Variants in WWTR1 observed in about 807,000 individuals in gnomAD.
The protein encoded by WWTR1 is WW domain-containing transcription regulator protein 1.
In WWTR1, 13 loss-of-function variants were observed where a neutral mutation model predicts 40.1. The observed-to-expected ratio is 0.32, with a 90% CI of 0.21 to 0.52. The LOEUF (loss-of-function observed/expected upper bound fraction) is 0.52. Among genes scored for constraint, WWTR1 ranks in the 20% least tolerant of loss-of-function variants. The probability of loss-of-function intolerance (pLI) is 0.97; values close to 1 mark genes in which losing one functional copy is unlikely to be tolerated. For synonymous variants in WWTR1, 230 were observed against 210.1 expected (o/e 1.09, Z -0.82); for missense variants, 436 against 523.1 (o/e 0.83, Z 1.63).
At chr3:149,579,647 T>TA (rs1431904046) in intron 2 of WWTR1, among the ~76,000 whole-genome samples, 1 of 151,988 alleles carries the variant, frequency 6.6e-6, no homozygotes, top group South Asian at 2.1e-4. Flanking sequence ...CCCTAGCTCT[T>TA]AAAAAACAAA....
chr3:149,624,600 T>C (rs1039417066), intron 2 of WWTR1, among the ~76,000 whole-genome samples: 1 of 152,214 alleles, frequency 6.6e-6, no homozygotes, highest in Non-Finnish European at 1.5e-5. Flanking sequence ...CTATATAAGA[T>C]CAAGTTTGCT....
chr3:149,583,454 T>C (rs770022271), intron 2 of WWTR1, among the ~76,000 whole-genome samples: 1 of 152,174 alleles, frequency 6.6e-6, no homozygotes, highest in Non-Finnish European at 1.5e-5. Flanking sequence ...TCCTCCTGCC[T>C]CAGCCTCCCG....
At chr3:149,589,326 G>A (rs953948372) in intron 2 of WWTR1, among the ~76,000 whole-genome samples, 3 of 152,182 alleles carry the variant, frequency 2.0e-5, no homozygotes, top group African/African-American at 7.2e-5. Flanking sequence ...AACTGTGTTT[G>A]TTTTCTTCTT....
intron 2 of WWTR1, among the ~76,000 whole-genome samples, chr3:149,643,603 A>G (rs1438061173): frequency 2.6e-5 from 4 of 152,148 alleles, no homozygotes; most frequent in African/African-American, 9.7e-5. Context: ...TTATATGGAA[A>G]CTTGTGGGAC....
chr3:149,601,563 G>A (rs1739242298), intron 2 of WWTR1, among the ~76,000 whole-genome samples: 1 of 152,100 alleles, frequency 6.6e-6, no homozygotes, highest in Non-Finnish European at 1.5e-5. Context: ...TCCTTTTCTT[G>A]AAACTACAAG....
chr3:149,655,602 A>G, intron 2 of WWTR1, among the ~76,000 whole-genome samples: 1 of 152,256 alleles, frequency 6.6e-6, no homozygotes, highest in Admixed American at 6.5e-5. Context: ...ATGACCATCA[A>G]GTCTGTTTCA....
intron 2 of WWTR1, among the ~76,000 whole-genome samples, chr3:149,624,527 A>G (rs1740457376): frequency 6.6e-6 from 1 of 152,180 alleles, no homozygotes. Context: ...CAAACAGCCC[A>G]GTCTCTGTTC....
At chr3:149,724,415 T>C (rs2108240649) in intron 3 of WWTR1, among the ~76,000 whole-genome samples, 1 of 152,016 alleles carries the variant, frequency 6.6e-6, no homozygotes, top group African/African-American at 2.4e-5. Flanking sequence ...TCCCCCCTAA[T>C]ATTTGACTAA....
At chr3:149,716,716 A>C (rs1307267852) in intron 5 of WWTR1, among the ~76,000 whole-genome samples, 2 of 152,154 alleles carry the variant, frequency 1.3e-5, no homozygotes, top group African/African-American at 4.8e-5. Context: ...AGATTTCTTA[A>C]TACTCATATT....
Position 149,542,636 on chromosome 3 carries a change from T to C in WWTR1, c.569-99A>G. 2.4e-6 allele frequency: 3 copies of C among 1,234,436 alleles called. No individual in the cohort carries two copies. The Admixed American group carries it at 8.6e-5, about 35-fold the overall frequency. 76.5% of individuals were successfully genotyped at this position (1,234,436 alleles called of 1,614,324 possible). ...TTTTCTGCTTTGGAGTATAGATTCC[T>C]GAGATTCCTTCCAAAGTACTTTCCT... On this transcript the variant is annotated intron_variant, in intron 3 of 6. Transcript: ENST00000360632.
chr3:149,655,865 A>G (rs894572562), intron 2 of WWTR1, among the ~76,000 whole-genome samples: 4 of 152,216 alleles, frequency 2.6e-5, no homozygotes, highest in African/African-American at 7.2e-5. Flanking sequence ...CTTTTGCACT[A>G]AGGCTACTCT....
chr3:149,559,293 C>CAAAAAAAAAAAAAAA (rs57470539), intron 3 of WWTR1, among the ~76,000 whole-genome samples: 1 of 58,106 alleles, frequency 1.7e-5, no homozygotes, highest in African/African-American at 6.6e-5. Context: ...GACTCCATCT[C>CAAAAAAAAAAAAAAA]AAAAAAAAAA....
chr3:149,601,365 T>G (rs1280863759), intron 2 of WWTR1, among the ~76,000 whole-genome samples: 2 of 152,104 alleles, frequency 1.3e-5, no homozygotes, highest in African/African-American at 4.8e-5. Context: ...ACCTGGCTAA[T>G]TATTGTATTT....
intron 1 of WWTR1, among the ~76,000 whole-genome samples, chr3:149,676,907 G>T (rs1490849942): frequency 6.6e-6 from 1 of 150,690 alleles, no homozygotes; most frequent in Non-Finnish European, 1.5e-5. Flanking sequence ...CAGTCAACTA[G>T]ATAACCTTGA....
chr3:149,527,895 G>A lies in WWTR1; in HGVS notation c.846C>T (p.Pro282=). 1 of 1,614,142 alleles carries A rather than the reference G, an allele frequency of 6.2e-7. No homozygotes were observed. Among genetic ancestry groups the A allele is most frequent in the Non-Finnish European group, 8.5e-7 (1 of 1,180,034 alleles). Residue 282 remains proline (P), a synonymous_variant, in exon 5 of 7, where the codon CCC becomes CCT. Transcript: ENST00000360632. ...LAPVQAAVNP[P]TMTPDMRSIT... is the part of the protein sequence containing the mutation. ...TGGATCTCATGTCTGGGGTCATCGT[G>A]GGTGGGTTGACAGCAGCCTGAACTG...
At position 149,672,131 on chromosome 3, in the gene WWTR1, CA is replaced by C. The variant is rs1242206918; in HGVS notation, c.-107-2241del. ...ACATCTTTAAAAGGCTACAAAAAAACAAAAAACAAACAAACAAACAAACAAA... is the reference window on the plus strand; with the variant it reads ...ACATCTTTAAAAGGCTACAAAAAAACAAAAACAAACAAACAAACAAACAAA... On this transcript the variant is annotated intron_variant, in intron 1 of 7. Transcript: ENST00000465804. 5.3e-5 allele frequency among the ~76,000 whole-genome samples: 8 copies of C among 151,594 alleles called. No homozygotes were observed. The East Asian group carries it at 1.6e-3, about 29-fold the overall frequency.
chr3:149,668,023 C>G (rs1412720191), intron 2 of WWTR1, among the ~76,000 whole-genome samples: 1 of 152,134 alleles, frequency 6.6e-6, no homozygotes, highest in African/African-American at 2.4e-5. Context: ...GCTTATCCCT[C>G]GTATAGATTG....
intron 2 of WWTR1, among the ~76,000 whole-genome samples, chr3:149,580,393 TA>T (rs1039952731): frequency 1.3e-5 from 2 of 152,094 alleles, no homozygotes; most frequent in Non-Finnish European, 2.9e-5. Flanking sequence ...TGCTGTCACC[TA>T]AAACCACAAT....
rs180804219 is a variant in WWTR1 at position 149,572,654 on chromosome 3, T to C, written c.568+210A>G. Among the ~76,000 whole-genome samples the C allele has an allele frequency of 1.3e-3, 196 of 151,930 alleles. 1 individual carries two copies. Among genetic ancestry groups the C allele is most frequent in the African/African-American group, 4.7e-3 (194 of 41,428 alleles). On this transcript the variant is annotated intron_variant, in intron 3 of 6. Coordinates refer to ENST00000360632, the MANE Select transcript of WWTR1 (RefSeq NM_015472.6). ...AACCACTTATGAGCCCCGCCACCCC[T>C]TGATTGAACACCATTTCTTCAGCTT...
Sources: allele counts gnomAD v4.1 joint callset (sites outside exome capture counted in the v4.1 genomes callset), GRCh38; gene constraint gnomAD v4.1.1; transcripts MANE v1.5; gene names NCBI Gene and HGNC (gene_info 2026-07-23, HGNC 2026-07-21).